KCTD16: variants seen among roughly 807,000 people sequenced by gnomAD.
The protein encoded by KCTD16 is potassium channel tetramerization domain containing 16.
In KCTD16, 13 loss-of-function variants were observed where a neutral mutation model predicts 33.2. The ratio of observed to expected loss-of-function variants is 0.39; its 90% CI spans 0.25 to 0.62. KCTD16 has a LOEUF of 0.62. Ranked by LOEUF, KCTD16 falls within the 20% of genes least tolerant of loss-of-function variation. KCTD16 has a pLI of 0.50. For missense variants in KCTD16, 441 were observed against 525.1 expected (o/e 0.84, Z 1.57); for synonymous variants, 197 against 195.3 (o/e 1.01, Z -0.07).
chr5:144,421,264 G>A (rs73792003), intron 3 of KCTD16, among the ~76,000 whole-genome samples: 2,026 of 152,158 alleles, frequency 0.013, 41 homozygotes, highest in African/African-American at 0.045. Context: ...ATCTCAAAGC[G>A]AAATCAAATG....
At chr5:144,368,480 C>G (rs1210614868) in intron 3 of KCTD16, among the ~76,000 whole-genome samples, 1 of 152,086 alleles carries the variant, frequency 6.6e-6, no homozygotes, top group East Asian at 1.9e-4. Context: ...TGATTGACAG[C>G]CAGCAAGGAA....
chr5:144,292,145 A>G lies in KCTD16; in HGVS notation c.832+84599A>G, dbSNP rs190499954. ...CCAGATTGCTGAAGGGATATTTGGCACAAAAATACTTAAGAGCACTTTTGT... is the reference window on the plus strand; with the variant it reads ...CCAGATTGCTGAAGGGATATTTGGCGCAAAAATACTTAAGAGCACTTTTGT... On this transcript the variant is annotated intron_variant, in intron 3 of 3. Coordinates refer to ENST00000512467, the MANE Select transcript of KCTD16 (RefSeq NM_020768.4). 9.6e-4 allele frequency among the ~76,000 whole-genome samples: 146 copies of G among 152,370 alleles called. 1 individual carries two copies. The highest frequency in any genetic ancestry group is 3.4e-3 in the African/African-American group (143 of 41,588).
intron 3 of KCTD16, among the ~76,000 whole-genome samples, chr5:144,276,537 G>T (rs1439987529): frequency 6.6e-6 from 1 of 152,074 alleles, no homozygotes; most frequent in African/African-American, 2.4e-5. Context: ...TCTAGTTCTG[G>T]CAGAGACCTA....
intron 2 of KCTD16, among the ~76,000 whole-genome samples, chr5:144,180,474 A>G (rs1752600410): frequency 6.6e-6 from 1 of 152,192 alleles, no homozygotes. Context: ...AAAAAACTCC[A>G]AGAAGACAAA....
chr5:144,305,749 G>T (rs1340014443), intron 3 of KCTD16, among the ~76,000 whole-genome samples: 1 of 152,176 alleles, frequency 6.6e-6, no homozygotes, highest in African/African-American at 2.4e-5. Flanking sequence ...AGGAGGCGCA[G>T]GTTGCAGTGA....
At chr5:144,353,327 C>G (rs17101811) in intron 3 of KCTD16, among the ~76,000 whole-genome samples, 4,596 of 152,172 alleles carry the variant, frequency 0.03, 92 homozygotes, top group Middle Eastern at 0.061. Context: ...TACATTTATA[C>G]TATTTCTCTG....
intron 3 of KCTD16, among the ~76,000 whole-genome samples, chr5:144,287,002 A>G (rs1411341443): frequency 6.6e-6 from 1 of 152,204 alleles, no homozygotes; most frequent in East Asian, 1.9e-4. Flanking sequence ...CCAGAAGCAA[A>G]TATTATCCAA....
chr5:144,389,199 T>C (rs1455008093), intron 3 of KCTD16, among the ~76,000 whole-genome samples: 1 of 152,182 alleles, frequency 6.6e-6, no homozygotes, highest in Non-Finnish European at 1.5e-5. Context: ...AATCATCATG[T>C]AGGGCAGGGG....
intron 3 of KCTD16, among the ~76,000 whole-genome samples, chr5:144,465,126 T>C (rs943309026): frequency 2.0e-5 from 3 of 151,088 alleles, no homozygotes; most frequent in African/African-American, 7.3e-5. Context: ...ATGTCTAGCA[T>C]AGGATAGGTG....
At chr5:144,473,564 C>G (rs867895843) in intron 3 of KCTD16, 96 bp from the exon 4 acceptor site, 1 of 1,210,586 alleles carries the variant, frequency 8.3e-7, no homozygotes, top group Non-Finnish European at 1.2e-6. Flanking sequence ...TGCGATGCTT[C>G]TCTTATGTGT....
At chr5:144,263,814 A>G (rs1755072674) in intron 3 of KCTD16, among the ~76,000 whole-genome samples, 1 of 152,230 alleles carries the variant, frequency 6.6e-6, no homozygotes, top group Non-Finnish European at 1.5e-5. Flanking sequence ...GAAGCTGGGA[A>G]GTCCAAGATC....
At chr5:144,283,582 C>T (rs578200484) in intron 3 of KCTD16, among the ~76,000 whole-genome samples, 5 of 152,094 alleles carry the variant, frequency 3.3e-5, no homozygotes, top group East Asian at 1.9e-4. Flanking sequence ...ACAAATATAA[C>T]GGATAAAAAT....
chr5:144,206,604 T>G lies in KCTD16; in HGVS notation c.-111T>G, dbSNP rs1753179149. ...ACTGGGATAAGAGGAGGTCATTTTT[T>G]AATAAGTTAGCATCCTTTTCCCTTT... On this transcript the variant is annotated 5_prime_UTR_variant, in exon 3 of 4. Coordinates refer to ENST00000512467, the MANE Select transcript of KCTD16 (RefSeq NM_020768.4). The G allele has an allele frequency of 1.1e-6, 1 of 931,714 alleles. No homozygotes were observed. Among genetic ancestry groups the G allele is most frequent in the Non-Finnish European group, 1.6e-6 (1 of 616,276 alleles). 57.7% of individuals were successfully genotyped at this position (931,714 alleles called of 1,614,324 possible). A position where few individuals can be genotyped will look rare whatever the true frequency, so the allele number is the denominator to read the frequency against.
At chr5:144,238,029 C>T (rs1466293328) in intron 3 of KCTD16, among the ~76,000 whole-genome samples, 1 of 152,144 alleles carries the variant, frequency 6.6e-6, no homozygotes, top group Non-Finnish European at 1.5e-5. Context: ...GCATTTTTCC[C>T]ACATGGGGAA....
At chr5:144,310,545 A>G (rs1418990740) in intron 3 of KCTD16, among the ~76,000 whole-genome samples, 4 of 151,846 alleles carry the variant, frequency 2.6e-5, no homozygotes, top group Non-Finnish European at 4.4e-5. Flanking sequence ...TATACAACCT[A>G]TGTATGCAAG....
At chr5:144,418,222 C>A (rs1353332862) in intron 3 of KCTD16, among the ~76,000 whole-genome samples, 1 of 152,152 alleles carries the variant, frequency 6.6e-6, no homozygotes, top group South Asian at 2.1e-4. Context: ...CAGCAGCAAG[C>A]TTTATTACAA....
At chr5:144,209,903 TA>T (rs1753319908) in intron 3 of KCTD16, among the ~76,000 whole-genome samples, 2 of 143,046 alleles carry the variant, frequency 1.4e-5, no homozygotes, top group African/African-American at 5.3e-5. Context: ...TGTGTGTATA[TA>T]TATGTATATA....
chr5:144,358,690 T>C (rs1162505484), intron 3 of KCTD16, among the ~76,000 whole-genome samples: 3 of 152,266 alleles, frequency 2.0e-5, no homozygotes, highest in African/African-American at 7.2e-5. Context: ...TCTCACAGTT[T>C]GGGAGGATGG....
intron 3 of KCTD16, among the ~76,000 whole-genome samples, chr5:144,209,437 C>A (rs1753296539): frequency 6.6e-6 from 1 of 152,118 alleles, no homozygotes; most frequent in Non-Finnish European, 1.5e-5. Flanking sequence ...TCTCCATGGA[C>A]AGGCTAGCAC....
Sources: gnomAD v4.1 joint callset for allele counts (sites outside exome capture counted in the v4.1 genomes callset) on GRCh38, gnomAD v4.1.1 for gene constraint, MANE v1.5 for transcripts, NCBI Gene and HGNC (gene_info 2026-07-23, HGNC 2026-07-21) for gene names.